ATP6V1C2: variants seen among roughly 807,000 people sequenced by gnomAD.
ATP6V1C2 encodes V-type proton ATPase subunit C 2.
In ATP6V1C2, 45 loss-of-function variants were observed where a neutral mutation model predicts 56.8. That is an observed-to-expected ratio of 0.79 (90% CI 0.62 to 1.02). ATP6V1C2 has a LOEUF of 1.02. ATP6V1C2 is among the 50% of genes least tolerant of loss of function. ATP6V1C2 has a pLI of 0.00. For synonymous variants in ATP6V1C2, 220 were observed against 201.3 expected, an observed-to-expected ratio of 1.09 and a Z score of -0.79; for missense variants, 463 against 519.7, an observed-to-expected ratio of 0.89 and a Z score of 1.06.
intron 4 of ATP6V1C2, among the ~76,000 whole-genome samples, chr2:10,760,444 G>A (rs751324698): frequency 2.0e-5 from 3 of 152,202 alleles, no homozygotes; most frequent in Non-Finnish European, 4.4e-5. Flanking sequence ...GGCAGGGTGC[G>A]TGGACAGGGA....
chr2:10,781,454 C>T (rs190780618), intron 12 of ATP6V1C2, among the ~76,000 whole-genome samples: 124 of 151,604 alleles, frequency 8.2e-4, no homozygotes, highest in African/African-American at 2.9e-3. Flanking sequence ...CTCCAGCCTG[C>T]GTGACAGAGC....
chr2:10,755,514 G>A (rs1663501022), intron 4 of ATP6V1C2, among the ~76,000 whole-genome samples: 1 of 152,206 alleles, frequency 6.6e-6, no homozygotes, highest in African/African-American at 2.4e-5. Context: ...AGCACTGCTA[G>A]GTTTGGAAGT....
chr2:10,768,826 C>A lies in ATP6V1C2; in HGVS notation c.470+16C>A. The A allele has an allele frequency of 6.2e-7, 1 of 1,605,868 alleles. No homozygotes were observed. Among genetic ancestry groups the A allele is most frequent in the South Asian group, 1.1e-5 (1 of 90,930 alleles). On this transcript the variant is annotated intron_variant, in intron 6 of 13. Coordinates refer to ENST00000272238, the MANE Select transcript of ATP6V1C2 (RefSeq NM_001039362.2). ...AGAAATCCATGTGTGTATTTGCCAGCCTCCACATCTGGCGGGGGCAGGTCC... is the reference window on the plus strand; with the variant it reads ...AGAAATCCATGTGTGTATTTGCCAGACTCCACATCTGGCGGGGGCAGGTCC...
At chr2:10,773,756 G>T (rs1201477430) in intron 8 of ATP6V1C2, among the ~76,000 whole-genome samples, 2 of 152,188 alleles carry the variant, frequency 1.3e-5, no homozygotes, top group Non-Finnish European at 2.9e-5. Context: ...TAGAATGCGC[G>T]TCAGGCAGCC....
chr2:10,752,337 C>T (rs1663267619), intron 3 of ATP6V1C2, among the ~76,000 whole-genome samples: 2 of 152,106 alleles, frequency 1.3e-5, no homozygotes, highest in Non-Finnish European at 2.9e-5. Context: ...TGTGTTGGGC[C>T]CTAGGCCTCT....
At chr2:10,728,592 T>C (rs1661777109) in intron 3 of ATP6V1C2, among the ~76,000 whole-genome samples, 1 of 151,994 alleles carries the variant, frequency 6.6e-6, no homozygotes, top group Non-Finnish European at 1.5e-5. Flanking sequence ...CTAGACAACA[T>C]AGCAAAACCT....
chr2:10,765,404 T>G (rs1664162916), intron 5 of ATP6V1C2, among the ~76,000 whole-genome samples: 1 of 152,188 alleles, frequency 6.6e-6, no homozygotes, highest in Non-Finnish European at 1.5e-5. Flanking sequence ...ATGTGTCCCC[T>G]CTCCTGCTGG....
chr2:10,752,912 C>T (rs896738719), intron 3 of ATP6V1C2, among the ~76,000 whole-genome samples: 3 of 152,172 alleles, frequency 2.0e-5, no homozygotes, highest in Non-Finnish European at 4.4e-5. Context: ...GGGAGAATCA[C>T]TTGAACCCGG....
rs375061582 is a variant in ATP6V1C2, at chr2:10,726,593, A to G, written c.197+24A>G. On this transcript the variant is annotated intron_variant, in intron 3 of 13. Coordinates refer to ENST00000272238, the MANE Select transcript of ATP6V1C2 (RefSeq NM_001039362.2). The stretch of plus-strand genomic sequence containing the variant: ...AGGTAAAATATTCCTTATTTACTAC[A>G]TACAAGTGAGAATTTGACATTGTTG... 4.4e-6 allele frequency: 7 copies of G among 1,588,114 alleles called. No individual in the cohort carries two copies. In the African/African-American group the frequency reaches 8.1e-5, roughly 18 times the overall value.
At position 10,763,573 on chromosome 2, in the gene ATP6V1C2, A is replaced by G. The variant is rs1363712014; in HGVS notation, c.284-758A>G. The stretch of plus-strand genomic sequence containing the variant: ...GGGAGCCTAGGCTGGGACATCCGCC[A>G]TGGGAAGGGCCCTCTGCCAGGGGCA... On this transcript the variant is annotated intron_variant, in intron 4 of 13. Coordinates refer to ENST00000272238, the MANE Select transcript of ATP6V1C2 (RefSeq NM_001039362.2). This position sits in a 1 kb window ranked among gnomAD's most constrained non-coding sequence, Gnocchi z 4.2. Among the ~76,000 whole-genome samples the G allele has an allele frequency of 6.6e-6, 1 of 152,180 alleles. No individual in the cohort carries two copies. The highest frequency in any genetic ancestry group is 2.4e-5 in the African/African-American group (1 of 41,432).
chr2:10,724,820 A>G (rs764524053), intron 2 of ATP6V1C2, among the ~76,000 whole-genome samples: 1 of 151,910 alleles, frequency 6.6e-6, no homozygotes, highest in Non-Finnish European at 1.5e-5. Flanking sequence ...TTACAGGCAC[A>G]TGCCACCATG....
chr2:10,767,468 A>G (rs1454905924), intron 5 of ATP6V1C2, among the ~76,000 whole-genome samples: 2 of 145,202 alleles, frequency 1.4e-5, no homozygotes, highest in African/African-American at 5.1e-5. Flanking sequence ...TTTATTATAT[A>G]TTTTTTTGAG....
intron 6 of ATP6V1C2, among the ~76,000 whole-genome samples, chr2:10,771,043 G>T (rs113232488): frequency 0.028 from 4,197 of 152,288 alleles, 207 homozygotes; most frequent in African/African-American, 0.095. Flanking sequence ...GGTGCCCAGG[G>T]AGAAGGAACC....
chr2:10,753,894 C>A, intron 3 of ATP6V1C2, 87 bp from the exon 4 acceptor site: 1 of 1,243,316 alleles, frequency 8.0e-7, no homozygotes, highest in Non-Finnish European at 1.2e-6. Flanking sequence ...AAGGGTGTCA[C>A]CAGCTACTTT....
chr2:10,777,554 A>T, intron 10 of ATP6V1C2, 31 bp from the exon 11 acceptor site: 1 of 1,599,330 alleles, frequency 6.3e-7, no homozygotes. Context: ...ATGTTTGCTG[A>T]AAGATTAATA....
intron 2 of ATP6V1C2, among the ~76,000 whole-genome samples, chr2:10,723,665 C>T (rs934063711): frequency 3.3e-5 from 5 of 151,396 alleles, no homozygotes; most frequent in Non-Finnish European, 7.4e-5. Flanking sequence ...GGTGAAACCC[C>T]GTCTCTACTA....
At chr2:10,737,263 A>C (rs1460331835) in intron 3 of ATP6V1C2, among the ~76,000 whole-genome samples, 6 of 94 alleles carry the variant, frequency 0.064, no homozygotes, top group East Asian at 0.42. Flanking sequence ...AAAAATACAA[A>C]AAAAAAAAAA....
chr2:10,754,164 C>T (rs1291707573), intron 4 of ATP6V1C2, 98 bp downstream of exon 4: 16 of 1,002,384 alleles, frequency 1.6e-5, no homozygotes. Context: ...CCGAGATGGC[C>T]CAGGTCTCAG....
chr2:10,734,271 C>G (rs1439175782), intron 3 of ATP6V1C2, among the ~76,000 whole-genome samples: 1 of 152,072 alleles, frequency 6.6e-6, no homozygotes, highest in African/African-American at 2.4e-5. Context: ...TTCCTCCTTC[C>G]CAGCTCCTGG....
Sources: gnomAD v4.1 joint callset for allele counts (sites outside exome capture counted in the v4.1 genomes callset) on GRCh38, gnomAD v4.1.1 for gene constraint, Gnocchi (gnomAD v3.1) non-coding constraint, MANE v1.5 for transcripts, NCBI Gene and HGNC (gene_info 2026-07-23, HGNC 2026-07-21) for gene names.